Variants in METTL2A observed in about 807,000 individuals in gnomAD.
METTL2A encodes methyltransferase 2A, tRNA N3-cytidine, also known as tRNA N(3)-cytidine methyltransferase METTL2A.
A neutral mutation model predicts 49.4 loss-of-function variants in METTL2A; 45 were observed. That is an observed-to-expected ratio of 0.91 (90% CI 0.72 to 1.17). METTL2A has a LOEUF of 1.17. Ranked by LOEUF, METTL2A falls within the 50% of genes most tolerant of loss-of-function variation. The probability of loss-of-function intolerance (pLI) is 0.00; values close to 1 mark genes in which losing one functional copy is unlikely to be tolerated. For missense variants in METTL2A, 361 were observed against 462.2 expected, an observed-to-expected ratio of 0.78 and a Z score of 2.01; for synonymous variants, 118 against 167.5, an observed-to-expected ratio of 0.70 and a Z score of 2.28.
chr17:62,449,722 A>AT lies in METTL2A; in HGVS notation c.*994dup, dbSNP rs2070793408. The AT allele has an allele frequency of 5.9e-6, 1 of 170,128 alleles. No homozygotes were observed. The allele number at this position is 170,128 out of a possible 1,614,324, so 10.5% of individuals were successfully genotyped here. On this transcript the variant is annotated 3_prime_UTR_variant, in exon 9 of 9. Coordinates refer to ENST00000311506, the MANE Select transcript of METTL2A (RefSeq NM_181725.4). ...AAGACTCTGTCTCAAAAAAATAAAA[A>AT]TAAAAAAAAAATCTTAGTTCCATGG... is the stretch of plus-strand genomic sequence containing the variant.
At chr17:62,447,293 A>ATG (rs2070775324) in intron 7 of METTL2A, among the ~76,000 whole-genome samples, 2 of 151,940 alleles carry the variant, frequency 1.3e-5, no homozygotes, top group Non-Finnish European at 2.9e-5. Flanking sequence ...GGTGGTGGGA[A>ATG]CCTGTAATCC....
rs149049320 is a variant in METTL2A, at chr17:62,424,405, T to G, written c.202+95T>G. The G allele has an allele frequency of 1.6e-3, 2,400 of 1,546,592 alleles. 34 individuals are homozygous for G. The African/African-American group carries it at 0.029, about 19-fold the overall frequency. Reference sequence around the variant, plus strand: ...CAGGGAACCGCGGCCGCCCAGATCCTTTATTCCTGGCCTGATGCAGATCTC... The same window carrying G: ...CAGGGAACCGCGGCCGCCCAGATCCGTTATTCCTGGCCTGATGCAGATCTC... On this transcript the variant is annotated intron_variant, in intron 2 of 8. Coordinates refer to ENST00000311506, the MANE Select transcript of METTL2A (RefSeq NM_181725.4).
intron 2 of METTL2A, among the ~76,000 whole-genome samples, chr17:62,425,634 C>T (rs1247374219): frequency 6.7e-6 from 1 of 148,222 alleles, no homozygotes; most frequent in African/African-American, 2.5e-5. Flanking sequence ...ATCCGCCCAC[C>T]TCAGCCTCCC....
chr17:62,444,782 G>A, intron 6 of METTL2A, 55 bp from the exon 7 acceptor site: 2 of 1,586,742 alleles, frequency 1.3e-6, no homozygotes, highest in Non-Finnish European at 1.7e-6. Context: ...TACAGGGAAA[G>A]AGAACCCCGT....
chr17:62,437,887 G>A (rs1361796720), intron 5 of METTL2A, among the ~76,000 whole-genome samples: 5 of 151,950 alleles, frequency 3.3e-5, no homozygotes, highest in East Asian at 3.9e-4. Context: ...CAGAAGAATC[G>A]CTTGAACCCA....
chr17:62,431,049 G>A (rs888021214), intron 4 of METTL2A, among the ~76,000 whole-genome samples: 4 of 151,968 alleles, frequency 2.6e-5, no homozygotes, highest in Admixed American at 1.3e-4. Flanking sequence ...ATTTTTAGTA[G>A]AGACGGGGTT....
At chr17:62,435,344 A>G in intron 5 of METTL2A, 52 bp downstream of exon 5, 1 of 1,611,616 alleles carries the variant, frequency 6.2e-7, no homozygotes, top group Non-Finnish European at 8.5e-7. Context: ...TTAAAGGGAA[A>G]AGGTTCTCCT....
In METTL2A at chr17:62,423,937, T is replaced by C; in HGVS notation, c.35T>C (p.Val12Ala). The C allele has an allele frequency of 6.2e-7, 1 of 1,613,544 alleles. No homozygotes were observed. Among genetic ancestry groups the C allele is most frequent in the African/African-American group, 1.3e-5 (1 of 74,872 alleles). ...AGSYPEGAPAVLADKRQQFGS... is the reference protein window; with the variant it reads ...AGSYPEGAPAALADKRQQFGS... ...TCCTACCCTGAAGGTGCACCTGCAG[T>C]CCTCGCCGATAAGAGGCAGCAGTTC... Residue 12 changes from valine to alanine, a missense_variant, in exon 1 of 9, where the codon GTC (valine) becomes GCC (alanine). Physicochemically the swap from Val to Ala is moderately conservative, Grantham distance 64 (BLOSUM62 0). Transcript: ENST00000311506.
At position 62,452,733 on chromosome 17, in the gene METTL2A, C is replaced by G. The variant is rs757407059; in HGVS notation, c.*4004C>G. On this transcript the variant is annotated 3_prime_UTR_variant, in exon 9 of 9. Transcript: ENST00000311506. ...GGCTCAGGTGATTCTCCCACCCCAG[C>G]CTCCCAAGTAGATGGGACTACAGGC... Among the ~76,000 whole-genome samples the G allele has an allele frequency of 3.9e-5, 6 of 152,156 alleles. No individual in the cohort carries two copies. The highest frequency in any genetic ancestry group is 8.8e-5 in the Non-Finnish European group (6 of 68,040).
chr17:62,443,485 C>T (rs1328652816), intron 6 of METTL2A, among the ~76,000 whole-genome samples: 5 of 152,170 alleles, frequency 3.3e-5, no homozygotes, highest in South Asian at 2.1e-4. Context: ...CACAGTGGCA[C>T]ACACTTTTAG....
In METTL2A at chr17:62,449,929, A is replaced by G. The variant is rs2070795073; in HGVS notation, c.*1200A>G. On this transcript the variant is annotated 3_prime_UTR_variant, in exon 9 of 9. Transcript: ENST00000311506. ...AACCTCGTCTCCACTAAAAATACCAAAAAAATTAGCTGGGCATGGTGGCAC... is the reference window on the plus strand; with the variant it reads ...AACCTCGTCTCCACTAAAAATACCAGAAAAATTAGCTGGGCATGGTGGCAC... The G allele has an allele frequency of 1.3e-5, 2 of 153,490 alleles. No homozygotes were observed. The highest frequency in any genetic ancestry group is 2.9e-5 in the Non-Finnish European group (2 of 69,266). 9.5% of individuals were successfully genotyped at this position (153,490 alleles called of 1,614,324 possible).
rs181989607 is a variant in METTL2A, at chr17:62,450,525, A to G, written c.*1796A>G. The G allele has an allele frequency of 5.9e-5, 9 of 152,008 alleles. No individual in the cohort carries two copies. Among genetic ancestry groups the G allele is most frequent in the Admixed American group, 5.9e-4 (9 of 15,236 alleles). 9.4% of individuals were successfully genotyped at this position (152,008 alleles called of 1,614,324 possible). A position where few individuals can be genotyped will look rare whatever the true frequency, so the allele number is the denominator to read the frequency against. On this transcript the variant is annotated 3_prime_UTR_variant, in exon 9 of 9. Transcript: ENST00000311506. Reference sequence around the variant, plus strand: ...AGTTATAGGATATATCCTTAATTTTAGAAAGTAAGGACTTTTCGACCAGGC... The same window carrying G: ...AGTTATAGGATATATCCTTAATTTTGGAAAGTAAGGACTTTTCGACCAGGC...
chr17:62,447,899 C>T (rs746893227), intron 8 of METTL2A, 133 bp downstream of exon 8: 138 of 1,540,396 alleles, frequency 9.0e-5, no homozygotes, highest in Non-Finnish European at 1.2e-4. Flanking sequence ...TTCCCTGCTG[C>T]TCACACCCTC....
chr17:62,426,497 G>A lies in METTL2A; in HGVS notation c.401G>A (p.Gly134Asp), dbSNP rs1277595829. Reference sequence around the variant, plus strand: ...TGTAGAAACAATGAGGATGGACCTGGTTTAATAATGGAAGAACAGCACAAG... The same window carrying A: ...TGTAGAAACAATGAGGATGGACCTGATTTAATAATGGAAGAACAGCACAAG... ...PECRNNEDGP[G>D]LIMEEQHKCS... Residue 134 changes from glycine (G) to aspartate (D), a missense_variant, in exon 3 of 9, where the codon GGT becomes GAT. Gly to Asp is a moderately conservative substitution (Grantham distance 94, BLOSUM62 -1). This residue lies in a region of METTL2A where 150 missense variants were observed against 170.1 expected (regional missense o/e 0.88). Coordinates refer to ENST00000311506, the MANE Select transcript of METTL2A (RefSeq NM_181725.4). The A allele has an allele frequency of 5.6e-6, 9 of 1,613,718 alleles. 1 individual carries two copies. In the Admixed American group the frequency reaches 1.3e-4, roughly 24 times the overall value.
chr17:62,428,299 C>T (rs1407179530), intron 4 of METTL2A, among the ~76,000 whole-genome samples: 1 of 152,228 alleles, frequency 6.6e-6, no homozygotes, highest in Non-Finnish European at 1.5e-5. Context: ...ATGAAGATGT[C>T]TCCTGTTCTG....
chr17:62,439,027 G>A (rs562849410), intron 5 of METTL2A, among the ~76,000 whole-genome samples: 1 of 141,658 alleles, frequency 7.1e-6, no homozygotes, highest in East Asian at 2.1e-4. Flanking sequence ...CGCCCAGGCT[G>A]GAGTGCAGTG....
chr17:62,447,992 C>T (rs370367211), intron 8 of METTL2A, among the ~76,000 whole-genome samples: 29 of 152,320 alleles, frequency 1.9e-4, no homozygotes, highest in African/African-American at 6.5e-4. Flanking sequence ...TTCAGTCCTG[C>T]TCTGCTCTCC....
chr17:62,436,646 G>A (rs571423475), intron 5 of METTL2A, among the ~76,000 whole-genome samples: 5 of 152,278 alleles, frequency 3.3e-5, no homozygotes, highest in South Asian at 2.1e-4. Context: ...GCTAGTGGAC[G>A]GTCTTGCCTT....
At position 62,453,341 on chromosome 17, in the gene METTL2A, A is replaced by G. The variant is rs780506041; in HGVS notation, c.*4612A>G. 6.6e-6 allele frequency among the ~76,000 whole-genome samples: 1 copy of G among 152,170 alleles called. No individual in the cohort carries two copies. The highest frequency in any genetic ancestry group is 6.6e-5 in the Admixed American group (1 of 15,254). On this transcript the variant is annotated 3_prime_UTR_variant, in exon 9 of 9. Coordinates refer to ENST00000311506, the MANE Select transcript of METTL2A (RefSeq NM_181725.4). ...TACATTTGTTGGGAGGGATTAAAGT[A>G]TATGACCTCAGTGCCACTTAAAAAA...
Sources: gnomAD v4.1 joint callset for allele counts (sites outside exome capture counted in the v4.1 genomes callset) on GRCh38, gnomAD v4.1.1 for gene constraint, gnomAD v4.1.1 regional missense constraint, MANE v1.5 for transcripts, NCBI Gene and HGNC (gene_info 2026-07-23, HGNC 2026-07-21) for gene names.